The following RBM41 variants were observed in gnomAD, a reference collection of about 807,000 sequenced individuals.
RBM41 encodes the protein RNA binding motif protein 41.
Under a neutral mutation model 30.8 loss-of-function variants are expected in RBM41, and 14 were observed. That is an observed-to-expected ratio of 0.45 (90% CI 0.30 to 0.71). The LOEUF is 0.71. Ranked by LOEUF, RBM41 falls within the 30% of genes least tolerant of loss-of-function variation. The probability of loss-of-function intolerance (pLI) is 0.08; values close to 1 mark genes in which losing one functional copy is unlikely to be tolerated. For synonymous variants in RBM41, 120 were observed against 110.1 expected, an observed-to-expected ratio of 1.09 and a Z score of -0.56; for missense variants, 276 against 326.3, an observed-to-expected ratio of 0.85 and a Z score of 1.19.
chrX:107,101,158 T>C (rs936722163), intron 5 of RBM41, among the ~76,000 whole-genome samples: 2 of 111,633 alleles, frequency 1.8e-5, no homozygotes, highest in African/African-American at 6.5e-5. Flanking sequence ...GCAGTAGTTA[T>C]ATCTAGTGGG....
chrX:107,105,072 C>T (rs1923832898), intron 5 of RBM41, among the ~76,000 whole-genome samples: 2 of 110,998 alleles, frequency 1.8e-5, no homozygotes, highest in South Asian at 7.8e-4. Flanking sequence ...AAGAGGAAGT[C>T]AAATTGTCCC....
intron 1 of RBM41, among the ~76,000 whole-genome samples, chrX:107,117,754 G>A (rs1924994358): frequency 9.0e-6 from 1 of 111,710 alleles, no homozygotes; most frequent in Non-Finnish European, 1.9e-5. Context: ...TTAAAAGCAA[G>A]GGAATTAATA....
At chrX:107,076,393 A>T (rs1466861626) in intron 6 of RBM41, among the ~76,000 whole-genome samples, 2 of 110,641 alleles carry the variant, frequency 1.8e-5, no homozygotes, top group African/African-American at 6.5e-5. Flanking sequence ...ATTTAGCCTT[A>T]AAAAAGCAGG....
downstream of RBM41, among the ~76,000 whole-genome samples, chrX:107,061,188 C>A (rs1017314699): frequency 1.8e-5 from 2 of 111,689 alleles, no homozygotes; most frequent in African/African-American, 6.5e-5. Context: ...GGACAACTGG[C>A]AAAATTAAAA....
At chrX:107,091,460 TC>T (rs1293164419) in intron 5 of RBM41, among the ~76,000 whole-genome samples, 2 of 112,148 alleles carry the variant, frequency 1.8e-5, no homozygotes, top group Non-Finnish European at 3.8e-5. Context: ...ATCATTAGGC[TC>T]ATTTGCTTCA....
At chrX:107,069,677 A>C in intron 6 of RBM41, 2 of 181,702 alleles carry the variant, frequency 1.1e-5, no homozygotes, top group Non-Finnish European at 2.0e-5. Context: ...CTGGTCTTGA[A>C]CTCCCAAACT....
At chrX:107,090,892 T>C (rs1922475138) in intron 5 of RBM41, among the ~76,000 whole-genome samples, 1 of 110,500 alleles carries the variant, frequency 9.0e-6, no homozygotes. Flanking sequence ...GCTGCACCTA[T>C]CAACCCATTA....
chrX:107,076,161 C>T (rs997593486), intron 6 of RBM41, among the ~76,000 whole-genome samples: 2 of 108,390 alleles, frequency 1.8e-5, no homozygotes, highest in Admixed American at 1.0e-4. Flanking sequence ...ACTAAAAATG[C>T]AAAAAATTAG....
At chrX:107,078,271 ACT>A (rs748202446) in intron 6 of RBM41, among the ~76,000 whole-genome samples, 32 of 110,759 alleles carry the variant, frequency 2.9e-4, no homozygotes, top group Admixed American at 4.8e-4. Flanking sequence ...CTCTTCCTGT[ACT>A]CTTTTGGAAA....
intron 6 of RBM41, among the ~76,000 whole-genome samples, chrX:107,078,474 A>G (rs1003914354): frequency 8.9e-6 from 1 of 111,899 alleles, no homozygotes; most frequent in African/African-American, 3.2e-5. Flanking sequence ...TATACATTGG[A>G]TTATCCAACA....
Position 107,087,311 on chromosome X carries a change from T to C in RBM41, c.999+1125A>G, listed in dbSNP as rs1259917877. On this transcript the variant is annotated intron_variant, in intron 6 of 7. Transcript: ENST00000685964. ...AAAAACAAAGCTACCCTTGAACTAA[T>C]AGTATAAATACCCCCGAACTATTAG... Among the ~76,000 whole-genome samples the C allele has an allele frequency of 2.7e-5, 3 of 111,814 alleles. No individual in the cohort carries two copies. The Admixed American group carries it at 2.8e-4, about 11-fold the overall frequency.
At position 107,088,675 on chromosome X, in the gene RBM41, C is replaced by G; in HGVS notation, c.760G>C (p.Ala254Pro). Residue 254 changes from alanine (A) to proline (P), a missense_variant, in exon 6 of 8, where the codon GCT becomes CCT. Ala to Pro is a conservative substitution (Grantham distance 27). Coordinates refer to ENST00000685964, the MANE Select transcript of RBM41 (RefSeq NM_001324242.2). ...TCCTGGAGTAATGATGGGCTCTCAGCTGTGCCACTATCACCCACTGATGTA... is the reference window on the plus strand; with the variant it reads ...TCCTGGAGTAATGATGGGCTCTCAGGTGTGCCACTATCACCCACTGATGTA... ...SATSVGDSGTAESPSLLQDKG... is the reference protein window; with the variant it reads ...SATSVGDSGTPESPSLLQDKG... 2.5e-6 allele frequency: 3 copies of G among 1,211,747 alleles called. No homozygotes were observed. The Admixed American group carries it at 6.5e-5, about 26-fold the overall frequency.
chrX:107,071,901 T>C (rs1208677769), intron 6 of RBM41, among the ~76,000 whole-genome samples: 3 of 111,308 alleles, frequency 2.7e-5, no homozygotes, highest in Non-Finnish European at 5.7e-5. Flanking sequence ...CCATAGCAAA[T>C]AGGCAAGAAA....
At chrX:107,075,962 C>A (rs922808349) in intron 6 of RBM41, among the ~76,000 whole-genome samples, 2 of 111,578 alleles carry the variant, frequency 1.8e-5, no homozygotes, top group African/African-American at 6.5e-5. Flanking sequence ...TCACAATAGT[C>A]AACAGGTGGA....
chrX:107,099,196 A>C (rs887680933), intron 5 of RBM41, among the ~76,000 whole-genome samples: 4 of 111,634 alleles, frequency 3.6e-5, no homozygotes, highest in African/African-American at 1.3e-4. Context: ...TAATAATAAA[A>C]AGACTGGTAC....
chrX:107,070,473 TAACA>T (rs776762274), intron 6 of RBM41: 5 of 270,318 alleles, frequency 1.8e-5, no homozygotes, highest in Non-Finnish European at 3.5e-5. Context: ...GGAATTTCTC[TAACA>T]AATGACCCAG....
At chrX:107,053,209 A>G in the RBM41 span, among the ~76,000 whole-genome samples, 1 of 113,655 alleles carries the variant, frequency 8.8e-6, no homozygotes, top group Non-Finnish European at 1.9e-5. Flanking sequence ...CTTAGGTACG[A>G]CATGATTGTA....
At chrX:107,102,738 A>G (rs1923574123) in intron 5 of RBM41, among the ~76,000 whole-genome samples, 1 of 111,477 alleles carries the variant, frequency 9.0e-6, no homozygotes. Flanking sequence ...CTGCCCTGAT[A>G]GACTGAGTAT....
rs1202676973 is a variant in RBM41, at chrX:107,063,952, CTTTT to C, written c.*3571_*3574del. ...AGGTTAGTGCTATGGTCTTTCTTTTCTTTTTTTTTTTTTTTTTGAGATGGAGTCT... is the reference window on the plus strand; with the variant it reads ...AGGTTAGTGCTATGGTCTTTCTTTTCTTTTTTTTTTTTTGAGATGGAGTCT... On this transcript the variant is annotated 3_prime_UTR_variant, in exon 8 of 8. Coordinates refer to ENST00000685964, the MANE Select transcript of RBM41 (RefSeq NM_001324242.2). Among the ~76,000 whole-genome samples, 1 of 90,911 alleles carries C rather than the reference CTTTT, an allele frequency of 1.1e-5. No homozygotes were observed. The highest frequency in any genetic ancestry group is 2.2e-5 in the Non-Finnish European group (1 of 45,749). The allele number at this position is 90,911 out of a possible 115,157, so 78.9% of individuals were successfully genotyped here. A position where few individuals can be genotyped will look rare whatever the true frequency, so the allele number is the denominator to read the frequency against.
Sources: gnomAD v4.1 joint callset for allele counts (sites outside exome capture counted in the v4.1 genomes callset) on GRCh38, gnomAD v4.1.1 for gene constraint, MANE v1.5 for transcripts, NCBI Gene and HGNC (gene_info 2026-07-23, HGNC 2026-07-21) for gene names.